Variants in SERPINA6 observed in about 807,000 individuals in gnomAD.
The protein encoded by SERPINA6 is serpin family A member 6, also known as corticosteroid-binding globulin.
A neutral mutation model predicts 26.4 loss-of-function variants in SERPINA6; 19 were observed. The ratio of observed to expected loss-of-function variants is 0.72; its 90% CI spans 0.50 to 1.06. The LOEUF is 1.06. Among genes scored for constraint, SERPINA6 ranks in the 50% least tolerant of loss-of-function variants. SERPINA6 has a pLI of 0.00. For synonymous variants in SERPINA6, 196 were observed against 199.4 expected, an observed-to-expected ratio of 0.98 and a Z score of 0.14; for missense variants, 473 against 504.0, an observed-to-expected ratio of 0.94 and a Z score of 0.59.
In SERPINA6 at chr14:94,314,631, G is replaced by A. The variant is rs547660999; in HGVS notation, c.18C>T (p.Tyr6=). 19 of 1,613,770 alleles carry A rather than the reference G, an allele frequency of 1.2e-5. No homozygotes were observed. The Middle Eastern group carries it at 4.9e-4, about 42-fold the overall frequency. The change falls in exon 2 of 5, where the codon TAC becomes TAT. Residue 6 remains tyrosine, a synonymous_variant. Transcript: ENST00000341584. ...TGGTGGGCAGCCAGAGAAGACAGGT[G>A]TACAGGAGGAGTGGCATTGTCCAGT... MPLLL[Y]TCLLWLPTSG...
At chr14:94,314,713 T>A (rs1424409686) in intron 1 of SERPINA6, 46 bp from the exon 2 acceptor site, 3 of 1,577,674 alleles carry the variant, frequency 1.9e-6, no homozygotes, top group Non-Finnish European at 1.7e-6. Flanking sequence ...AGTCTCTGAG[T>A]CAATGGGGCG....
At chr14:94,310,786 A>C (rs528741291) in intron 2 of SERPINA6, among the ~76,000 whole-genome samples, 1 of 152,254 alleles carries the variant, frequency 6.6e-6, no homozygotes, top group East Asian at 1.9e-4. Flanking sequence ...CAGGAAACTT[A>C]CCTGGGCTGA....
At chr14:94,321,023 A>G (rs1028128150) in intron 1 of SERPINA6, among the ~76,000 whole-genome samples, 1 of 152,204 alleles carries the variant, frequency 6.6e-6, no homozygotes, top group Non-Finnish European at 1.5e-5. Flanking sequence ...TTGGGGCCCT[A>G]GCACTGCCAT....
At chr14:94,307,931 C>T (rs1244242198) in intron 3 of SERPINA6, among the ~76,000 whole-genome samples, 1 of 152,236 alleles carries the variant, frequency 6.6e-6, no homozygotes, top group Non-Finnish European at 1.5e-5. Context: ...AAAATGAAAA[C>T]AATCTGAAAC....
chr14:94,306,260 G>T, intron 3 of SERPINA6, 42 bp from the exon 4 acceptor site: 1 of 1,612,164 alleles, frequency 6.2e-7, no homozygotes, highest in South Asian at 1.1e-5. Context: ...TCCAGGGCTG[G>T]GCCTGGCAGA....
Position 94,306,238 on chromosome 14 carries a change from A to T in SERPINA6, c.885-20T>A. ...ACCTGGCTGCTCGGGGTAAGCAGAC[A>T]GAGTTAGACATTCCAGGGCTGGGCC... On this transcript the variant is annotated intron_variant, in intron 3 of 4. Transcript: ENST00000341584. 6.2e-7 allele frequency: 1 copy of T among 1,614,020 alleles called. No homozygotes were observed. The highest frequency in any genetic ancestry group is 8.5e-7 in the Non-Finnish European group (1 of 1,179,968).
chr14:94,312,362 G>C (rs1459176866), intron 2 of SERPINA6, among the ~76,000 whole-genome samples: 3 of 152,182 alleles, frequency 2.0e-5, no homozygotes, highest in Non-Finnish European at 2.9e-5. Flanking sequence ...GGCTCAGGAG[G>C]GCCCTCCCTG....
At position 94,314,085 on chromosome 14, in the gene SERPINA6, C is replaced by G; in HGVS notation, c.564G>C (p.Gly188=). 1.2e-6 allele frequency: 2 copies of G among 1,614,140 alleles called. No homozygotes were observed. Among genetic ancestry groups the G allele is most frequent in the Non-Finnish European group, 1.7e-6 (2 of 1,180,022 alleles). Residue 188 remains glycine (G), a synonymous_variant, in exon 2 of 5, where the codon GGG becomes GGC. Transcript: ENST00000341584. The stretch of plus-strand genomic sequence containing the variant: ...GGACGAGGATGGCTGGGCTATCCAG[C>G]CCTGAAAACAAGTCGACAATTTTCC... ...TQGKIVDLFS[G]LDSPAILVLV...
intron 4 of SERPINA6, 123 bp downstream of exon 4, chr14:94,305,948 C>T: frequency 9.2e-7 from 1 of 1,086,552 alleles, no homozygotes; most frequent in African/African-American, 1.6e-5. Context: ...TTGACTCAAC[C>T]TGGGGTTCTC....
intron 1 of SERPINA6, among the ~76,000 whole-genome samples, chr14:94,320,946 C>A (rs752121851): frequency 6.6e-6 from 1 of 152,140 alleles, no homozygotes; most frequent in Non-Finnish European, 1.5e-5. Flanking sequence ...ATTTCTGGGT[C>A]CTCGCGACAA....
At chr14:94,311,219 C>T (rs1378697426) in intron 2 of SERPINA6, among the ~76,000 whole-genome samples, 2 of 152,172 alleles carry the variant, frequency 1.3e-5, no homozygotes, top group South Asian at 2.1e-4. Context: ...GTAAACTCAC[C>T]GTCCGTCTGT....
At chr14:94,320,900 G>A (rs560400895) in intron 1 of SERPINA6, among the ~76,000 whole-genome samples, 2 of 152,248 alleles carry the variant, frequency 1.3e-5, no homozygotes, top group African/African-American at 2.4e-5. Context: ...CCAAATGATG[G>A]GCTTTATTGA....
chr14:94,314,735 G>A, intron 1 of SERPINA6, 68 bp from the exon 2 acceptor site: 1 of 1,500,270 alleles, frequency 6.7e-7, no homozygotes, highest in Non-Finnish European at 9.2e-7. Flanking sequence ...AGTGCAAGAG[G>A]AGGCAGGCAA....
In SERPINA6 at chr14:94,314,392, C is replaced by T. The variant is rs199541890; in HGVS notation, c.257G>A (p.Arg86Gln). ...ACCCAGGCCCTGGAGAAGCTGGGCCCGTGTGTGGCCACAGGTGCCCAGGGA... is the reference window on the plus strand; with the variant it reads ...ACCCAGGCCCTGGAGAAGCTGGGCCTGTGTGTGGCCACAGGTGCCCAGGGA... ...MLSLGTCGHT[R>Q]AQLLQGLGFN... The change falls in exon 2 of 5, where the codon CGG becomes CAG. Residue 86 changes from arginine (R) to glutamine (Q), a missense_variant. Physicochemically the swap from Arg to Gln is conservative, Grantham distance 43. Coordinates refer to ENST00000341584, the MANE Select transcript of SERPINA6 (RefSeq NM_001756.4). 44 of 1,614,028 alleles carry T rather than the reference C, an allele frequency of 2.7e-5. 1 individual carries two copies. The East Asian group carries it at 5.6e-4, about 20-fold the overall frequency.
At chr14:94,321,297 G>A (rs576748402) in intron 1 of SERPINA6, among the ~76,000 whole-genome samples, 42 of 152,078 alleles carry the variant, frequency 2.8e-4, no homozygotes, top group Non-Finnish European at 3.8e-4. Flanking sequence ...CAAGCTGATC[G>A]GTTCTGCTTT....
intron 4 of SERPINA6, among the ~76,000 whole-genome samples, chr14:94,305,478 A>C (rs1288076286): frequency 6.6e-6 from 1 of 152,200 alleles, no homozygotes; most frequent in African/African-American, 2.4e-5. Context: ...CAATCCACTC[A>C]CACAGCACGC....
In SERPINA6 at chr14:94,304,330, G is replaced by T; in HGVS notation, c.*88C>A. ...GAGGGAGAAGAACTTGGAGGAGATT[G>T]GGGGAAACCTCCCGCTCTCCAAAAC... is the stretch of plus-strand genomic sequence containing the variant. On this transcript the variant is annotated 3_prime_UTR_variant, in exon 5 of 5. Coordinates refer to ENST00000341584, the MANE Select transcript of SERPINA6 (RefSeq NM_001756.4). 1 of 1,317,284 alleles carries T rather than the reference G, an allele frequency of 7.6e-7. No individual in the cohort carries two copies. The highest frequency in any genetic ancestry group is 1.1e-6 in the Non-Finnish European group (1 of 910,380). The allele number at this position is 1,317,284 out of a possible 1,614,324, so 81.6% of individuals were successfully genotyped here. A position where few individuals can be genotyped will look rare whatever the true frequency, so the allele number is the denominator to read the frequency against.
intron 3 of SERPINA6, among the ~76,000 whole-genome samples, chr14:94,306,924 C>G (rs1895449479): frequency 6.6e-6 from 1 of 152,188 alleles, no homozygotes; most frequent in African/African-American, 2.4e-5. Context: ...GAGCAGATGT[C>G]TAAAACACTG....
At chr14:94,307,710 A>G (rs1176290374) in intron 3 of SERPINA6, among the ~76,000 whole-genome samples, 1 of 152,186 alleles carries the variant, frequency 6.6e-6, no homozygotes, top group Non-Finnish European at 1.5e-5. Flanking sequence ...CCACGCATAT[A>G]TATGTGTACA....
Sources: allele counts gnomAD v4.1 joint callset (sites outside exome capture counted in the v4.1 genomes callset), GRCh38; gene constraint gnomAD v4.1.1; transcripts MANE v1.5; gene names NCBI Gene and HGNC (gene_info 2026-07-23, HGNC 2026-07-21).